AKAP6: variants seen among roughly 807,000 people sequenced by gnomAD.
AKAP6 encodes A-kinase anchoring protein 6, also known as A-kinase anchor protein 6.
Under a neutral mutation model 188.5 loss-of-function variants are expected in AKAP6, and 58 were observed. The ratio of observed to expected loss-of-function variants is 0.31; its 90% confidence interval spans 0.25 to 0.38. The LOEUF is 0.38. Among genes scored for constraint, AKAP6 ranks in the 10% least tolerant of loss-of-function variants. AKAP6 has a pLI of 1.00. For missense variants in AKAP6, 2,710 were observed against 2,740.0 expected (o/e 0.99, Z 0.24); for synonymous variants, 989 against 998.6 (o/e 0.99, Z 0.18).
At chr14:32,685,356 A>G (rs369269928) in intron 8 of AKAP6, among the ~76,000 whole-genome samples, 2 of 152,146 alleles carry the variant, frequency 1.3e-5, no homozygotes, top group East Asian at 3.9e-4. Context: ...AGCCTAGCTG[A>G]AAGGGGTCAA....
Position 32,629,971 on chromosome 14 carries a change from A to C in AKAP6, c.2730+29179A>C, listed in dbSNP as rs567462900. ...TAATTCATTGACTTACTAAAGCGTT[A>C]GTTTGGAATGACCTCATTATGAGAG... On this transcript the variant is annotated intron_variant, in intron 7 of 13. Coordinates refer to ENST00000280979, the MANE Select transcript of AKAP6 (RefSeq NM_004274.5). Among the ~76,000 whole-genome samples the C allele has an allele frequency of 2.6e-5, 4 of 152,238 alleles. No individual in the cohort carries two copies. The South Asian group carries it at 8.3e-4, about 32-fold the overall frequency.
At chr14:32,643,925 C>T (rs1026238748) in intron 7 of AKAP6, among the ~76,000 whole-genome samples, 2 of 152,174 alleles carry the variant, frequency 1.3e-5, no homozygotes, top group African/African-American at 2.4e-5. Context: ...TAAATAAACT[C>T]ATAATGCTGA....
intron 2 of AKAP6, among the ~76,000 whole-genome samples, chr14:32,535,179 A>T (rs1022086856): frequency 6.6e-6 from 1 of 152,138 alleles, no homozygotes; most frequent in African/African-American, 2.4e-5. Context: ...TTGTGTGCCC[A>T]GTGTAGCTTA....
intron 2 of AKAP6, among the ~76,000 whole-genome samples, chr14:32,502,141 C>G (rs150610752): frequency 5.1e-4 from 78 of 152,136 alleles, no homozygotes; most frequent in Non-Finnish European, 9.9e-4. Context: ...ACAGTCTGTT[C>G]AATTGAAGTT....
intron 12 of AKAP6, among the ~76,000 whole-genome samples, chr14:32,819,590 C>T (rs2034468524): frequency 6.6e-6 from 1 of 152,124 alleles, no homozygotes; most frequent in East Asian, 1.9e-4. Flanking sequence ...GAGAATGAAG[C>T]AGGCAGAGGA....
chr14:32,601,916 T>G (rs1885941412), intron 7 of AKAP6, among the ~76,000 whole-genome samples: 1 of 152,178 alleles, frequency 6.6e-6, no homozygotes, highest in Non-Finnish European at 1.5e-5. Flanking sequence ...AAACAACGCC[T>G]TTAACTTATT....
intron 5 of AKAP6, among the ~76,000 whole-genome samples, chr14:32,582,796 C>G (rs1885040804): frequency 6.6e-6 from 1 of 152,198 alleles, no homozygotes; most frequent in Admixed American, 6.5e-5. Flanking sequence ...CCTGAGGCTT[C>G]TGCATTCTTC....
chr14:32,518,905 A>C lies in AKAP6; in HGVS notation c.325-16649A>C, dbSNP rs867982925. On this transcript the variant is annotated intron_variant, in intron 2 of 13. Transcript: ENST00000280979. ...AGACACATAATTGTCAGATTCACCA[A>C]AGTTGAAATGAAGAAAAACATGTTA... Among the ~76,000 whole-genome samples the C allele has an allele frequency of 3.5e-4, 53 of 152,336 alleles. No homozygotes were observed. In the Middle Eastern group the frequency reaches 0.014, roughly 39 times the overall value.
intron 3 of AKAP6, among the ~76,000 whole-genome samples, chr14:32,544,431 A>G (rs1193428766): frequency 6.6e-6 from 1 of 152,234 alleles, no homozygotes; most frequent in Non-Finnish European, 1.5e-5. Context: ...TTAACAAATT[A>G]AAAATAGTTA....
intron 11 of AKAP6, among the ~76,000 whole-genome samples, chr14:32,736,093 G>A (rs192331780): frequency 6.6e-6 from 1 of 152,230 alleles, no homozygotes; most frequent in Non-Finnish European, 1.5e-5. Context: ...TTGTAGAGGG[G>A]AAATCTCTGC....
At chr14:32,349,122 G>A (rs1028030158) in intron 1 of AKAP6, among the ~76,000 whole-genome samples, 11 of 152,164 alleles carry the variant, frequency 7.2e-5, no homozygotes, top group African/African-American at 2.4e-4. Flanking sequence ...TACAGGATTT[G>A]TTTAAAGGGG....
chr14:32,741,018 C>CTTTTTTTTTTTTT (rs765988445), intron 11 of AKAP6, among the ~76,000 whole-genome samples: 1 of 136,750 alleles, frequency 7.3e-6, no homozygotes, highest in Non-Finnish European at 1.6e-5. Context: ...TTCCTTTTTT[C>CTTTTTTTTTTTTT]TTTTTTTTTT....
chr14:32,775,664 G>A (rs1011089730), intron 12 of AKAP6, among the ~76,000 whole-genome samples: 3 of 152,006 alleles, frequency 2.0e-5, no homozygotes, highest in African/African-American at 7.3e-5. Flanking sequence ...TCAAATTCTT[G>A]GCGATCCTCC....
At chr14:32,728,311 A>C (rs577649699) in intron 9 of AKAP6, among the ~76,000 whole-genome samples, 2 of 141,376 alleles carry the variant, frequency 1.4e-5, no homozygotes, top group East Asian at 4.1e-4. Context: ...TTTCTTACTG[A>C]TAGACTAAGT....
At chr14:32,773,485 A>G (rs1311901398) in intron 11 of AKAP6, among the ~76,000 whole-genome samples, 193 bp from the exon 12 acceptor site, 3 of 152,168 alleles carry the variant, frequency 2.0e-5, no homozygotes, top group African/African-American at 7.2e-5. Context: ...AATGGGATGC[A>G]GCTAAATTCT....
intron 1 of AKAP6, among the ~76,000 whole-genome samples, chr14:32,404,691 G>GATATATATCTATATAT (rs1555325859): frequency 2.3e-5 from 1 of 44,438 alleles, no homozygotes; most frequent in Non-Finnish European, 4.6e-5. Context: ...GGAGTCAGGA[G>GATATATATCTATATAT]ATATATATAT....
chr14:32,726,257 T>C (rs2030868575), intron 9 of AKAP6: 2 of 936,712 alleles, frequency 2.1e-6, no homozygotes, highest in African/African-American at 1.8e-5. Flanking sequence ...ATTTGAGTGA[T>C]TCTTCTCTCC....
intron 2 of AKAP6, chr14:32,438,654 C>T (rs947831999): frequency 1.3e-5 from 2 of 152,062 alleles, no homozygotes; most frequent in Non-Finnish European, 2.9e-5. Context: ...AAAATGAAAC[C>T]TACATATTTT....
intron 5 of AKAP6, among the ~76,000 whole-genome samples, chr14:32,591,387 C>T (rs1226243080): frequency 6.6e-6 from 1 of 151,816 alleles, no homozygotes; most frequent in Non-Finnish European, 1.5e-5. Flanking sequence ...CAGGATCTCT[C>T]CCTTCTATCT....
Sources: allele counts gnomAD v4.1 joint callset (sites outside exome capture counted in the v4.1 genomes callset), GRCh38; gene constraint gnomAD v4.1.1; transcripts MANE v1.5; gene names NCBI Gene and HGNC (gene_info 2026-07-23, HGNC 2026-07-21).